The following INO80 variants were observed in gnomAD, a reference collection of about 807,000 sequenced individuals.
The protein encoded by INO80 is INO80 complex ATPase subunit.
In INO80, 20 loss-of-function variants were observed where a neutral mutation model predicts 203.4. That is an observed-to-expected ratio of 0.10 (90% CI 0.07 to 0.14). The LOEUF (loss-of-function observed/expected upper bound fraction) is 0.14, where lower values mean the gene tolerates loss of function less well. Among genes scored for constraint, INO80 ranks in the 10% least tolerant of loss-of-function variants. INO80 has a pLI of 1.00. For synonymous variants in INO80, 726 were observed against 685.2 expected, an observed-to-expected ratio of 1.06 and a Z score of -0.93; for missense variants, 1,419 against 1,914.4, an observed-to-expected ratio of 0.74 and a Z score of 4.83.
chr15:41,020,463 T>C (rs1431245729), intron 26 of INO80, among the ~76,000 whole-genome samples: 3 of 152,192 alleles, frequency 2.0e-5, no homozygotes, highest in African/African-American at 7.2e-5. Flanking sequence ...TGGCATAGAA[T>C]GCACTGTTTT....
chr15:41,095,024 T>G (rs1347785008), intron 4 of INO80, among the ~76,000 whole-genome samples: 1 of 104,028 alleles, frequency 9.6e-6, no homozygotes, highest in Non-Finnish European at 1.8e-5. Context: ...TCATTTTGTA[T>G]TGCAAATATT....
intron 28 of INO80, among the ~76,000 whole-genome samples, chr15:40,998,738 C>G (rs1246119991): frequency 6.6e-6 from 1 of 152,024 alleles, no homozygotes; most frequent in Non-Finnish European, 1.5e-5. Context: ...ACTGCAACCT[C>G]CACCTCCTTG....
In INO80 at chr15:41,100,830, C is replaced by CTT. The variant is rs1190451283; in HGVS notation, c.-43-4479_-43-4478dup. The stretch of plus-strand genomic sequence containing the variant: ...CCATTACTACCATTCACAATTTTTT[C>CTT]TTTTTTTTTTTTTTTTGAGACAGAG... On this transcript the variant is annotated intron_variant, in intron 1 of 35. Coordinates refer to ENST00000648947, the MANE Select transcript of INO80 (RefSeq NM_017553.3). 2.7e-3 allele frequency among the ~76,000 whole-genome samples: 374 copies of CTT among 138,092 alleles called. 2 individuals carry two copies. The highest frequency in any genetic ancestry group is 0.013 in the South Asian group (57 of 4,328). The allele number at this position is 138,092 out of a possible 152,430, so 90.6% of individuals were successfully genotyped here.
At chr15:41,096,514 A>G (rs1444384402) in intron 1 of INO80, among the ~76,000 whole-genome samples, 161 bp from the exon 2 acceptor site, 2 of 152,230 alleles carry the variant, frequency 1.3e-5, no homozygotes, top group Non-Finnish European at 2.9e-5. Flanking sequence ...CTTGTTAGAC[A>G]CTGCCTCCTA....
chr15:41,015,149 A>G (rs1011352211), intron 27 of INO80, among the ~76,000 whole-genome samples: 1 of 152,202 alleles, frequency 6.6e-6, no homozygotes, highest in Admixed American at 6.5e-5. Context: ...AGAAAAAGAA[A>G]AACTTCAACA....
intron 14 of INO80, among the ~76,000 whole-genome samples, chr15:41,065,165 C>T (rs948384871): frequency 1.3e-5 from 2 of 151,988 alleles, no homozygotes; most frequent in Non-Finnish European, 2.9e-5. Context: ...AGGCCAGGCT[C>T]GGTGATTCAC....
chr15:41,100,120 G>T (rs1201441973), intron 1 of INO80, among the ~76,000 whole-genome samples: 4 of 152,020 alleles, frequency 2.6e-5, no homozygotes, highest in Non-Finnish European at 4.4e-5. Context: ...TGTAGCCGAG[G>T]CTGGAATGCT....
At chr15:41,115,616 T>C (rs1409212576) in intron 1 of INO80, among the ~76,000 whole-genome samples, 2 of 150,512 alleles carry the variant, frequency 1.3e-5, no homozygotes, top group Admixed American at 6.6e-5. Flanking sequence ...GCCCTGCCCC[T>C]GCCCACCCCC....
chr15:41,074,330 T>C (rs953453079), intron 10 of INO80, 40 bp downstream of exon 10: 8 of 1,454,856 alleles, frequency 5.5e-6, no homozygotes, highest in Admixed American at 2.2e-5. Context: ...ATATAAAAAA[T>C]AAGAGGTAGC....
At chr15:40,999,434 C>T (rs2140430026) in intron 28 of INO80, 1 of 152,326 alleles carries the variant, frequency 6.6e-6, no homozygotes, top group South Asian at 2.1e-4. Flanking sequence ...CCTGGTTAAT[C>T]ACTAAGGTAG....
intron 27 of INO80, among the ~76,000 whole-genome samples, chr15:41,007,220 T>C (rs2044058665): frequency 7.1e-6 from 1 of 141,526 alleles, no homozygotes; most frequent in African/African-American, 2.7e-5. Flanking sequence ...GTCTTGCTCG[T>C]CACCCAAGCT....
chr15:41,051,477 A>G (rs1273760378), intron 19 of INO80, among the ~76,000 whole-genome samples: 3 of 150,938 alleles, frequency 2.0e-5, no homozygotes, highest in Admixed American at 1.3e-4. Flanking sequence ...TAGGAACCAT[A>G]CTAGATCTTC....
At chr15:40,988,419 A>G (rs777083489) in intron 29 of INO80, among the ~76,000 whole-genome samples, 1 of 152,354 alleles carries the variant, frequency 6.6e-6, no homozygotes, top group East Asian at 1.9e-4. Flanking sequence ...GGCACAAATG[A>G]GCTAGACAAT....
chr15:41,047,935 T>C (rs1297481340), intron 22 of INO80, among the ~76,000 whole-genome samples: 1 of 152,140 alleles, frequency 6.6e-6, no homozygotes, highest in Non-Finnish European at 1.5e-5. Context: ...AGCACCGACT[T>C]TGTCAAGTTT....
intron 31 of INO80, among the ~76,000 whole-genome samples, chr15:40,986,316 CT>C (rs551165963): frequency 0.072 from 6,468 of 89,338 alleles, 29 homozygotes; most frequent in Middle Eastern, 0.11. Flanking sequence ...CTCCACAATG[CT>C]TTTTTTTTTT....
At chr15:40,992,971 T>A (rs564986942) in intron 29 of INO80, among the ~76,000 whole-genome samples, 15 of 152,144 alleles carry the variant, frequency 9.9e-5, no homozygotes, top group African/African-American at 3.6e-4. Flanking sequence ...TTAAAAAACT[T>A]TTTTGTACAG....
chr15:41,012,126 A>G (rs891597436), intron 27 of INO80, among the ~76,000 whole-genome samples: 2 of 152,226 alleles, frequency 1.3e-5, no homozygotes, highest in African/African-American at 2.4e-5. Context: ...AATAAGTTAA[A>G]AGCTCTTTGC....
chr15:41,107,565 CAAG>C (rs1191208227), intron 1 of INO80, among the ~76,000 whole-genome samples: 4 of 152,142 alleles, frequency 2.6e-5, no homozygotes, highest in African/African-American at 4.8e-5. Context: ...TTTGGGAGGC[CAAG>C]GAGGGTGGAT....
At chr15:40,987,005 G>T in intron 31 of INO80, 86 bp downstream of exon 31, 1 of 714,220 alleles carries the variant, frequency 1.4e-6, no homozygotes, top group Non-Finnish European at 2.5e-6. Context: ...TACAGCCTCT[G>T]GCTTTGCCTA....
Sources: allele counts gnomAD v4.1 joint callset (sites outside exome capture counted in the v4.1 genomes callset), GRCh38; gene constraint gnomAD v4.1.1; transcripts MANE v1.5; gene names NCBI Gene and HGNC (gene_info 2026-07-23, HGNC 2026-07-21).